Variants in PDGFD observed in about 807,000 individuals in gnomAD.
PDGFD encodes platelet-derived growth factor D.
Under a neutral mutation model 44.7 loss-of-function variants are expected in PDGFD, and 30 were observed. The ratio of observed to expected loss-of-function variants is 0.67; its 90% CI spans 0.50 to 0.91. PDGFD has a LOEUF of 0.91. PDGFD is among the 40% of genes least tolerant of loss of function. The pLI is 0.00. For synonymous variants in PDGFD, 173 were observed against 168.4 expected (o/e 1.03, Z -0.21); for missense variants, 445 against 457.8 (o/e 0.97, Z 0.25).
At chr11:104,054,045 C>A (rs982587238) in intron 1 of PDGFD, among the ~76,000 whole-genome samples, 38 of 152,182 alleles carry the variant, frequency 2.5e-4, no homozygotes, top group African/African-American at 8.9e-4. Context: ...AAGCCCACAG[C>A]GTCCACCATT....
chr11:104,137,728 CTTTTTTTT>C (rs5794295), intron 1 of PDGFD, among the ~76,000 whole-genome samples: 2 of 76,616 alleles, frequency 2.6e-5, no homozygotes, highest in Non-Finnish European at 4.9e-5. Flanking sequence ...TAGATCACCA[CTTTTTTTT>C]TTTTTTTTTT....
At chr11:104,116,030 A>G (rs1230385100) in intron 1 of PDGFD, among the ~76,000 whole-genome samples, 1 of 151,706 alleles carries the variant, frequency 6.6e-6, no homozygotes, top group African/African-American at 2.4e-5. Flanking sequence ...CATGCTCTTT[A>G]GTTTAATTAA....
At chr11:104,100,047 T>C (rs541115708) in intron 1 of PDGFD, among the ~76,000 whole-genome samples, 3 of 152,262 alleles carry the variant, frequency 2.0e-5, no homozygotes, top group South Asian at 4.1e-4. Context: ...TTTTTTTTAA[T>C]GCAAAAGTCG....
intron 3 of PDGFD, among the ~76,000 whole-genome samples, chr11:103,964,437 T>C (rs995715117): frequency 6.6e-5 from 10 of 152,180 alleles, no homozygotes; most frequent in African/African-American, 2.4e-4. Context: ...CATTTTCCAA[T>C]GAGGCTGCTT....
At chr11:103,958,253 G>A (rs1436984052) in intron 3 of PDGFD, among the ~76,000 whole-genome samples, 1 of 152,058 alleles carries the variant, frequency 6.6e-6, no homozygotes, top group Non-Finnish European at 1.5e-5. Flanking sequence ...CTGAAACCGT[G>A]GCTGAGTCTC....
chr11:104,130,791 ACC>A (rs1212554430), intron 1 of PDGFD, among the ~76,000 whole-genome samples: 1 of 152,060 alleles, frequency 6.6e-6, no homozygotes, highest in Non-Finnish European at 1.5e-5. Context: ...TACAGCTATT[ACC>A]TATCACTTCA....
chr11:103,994,327 T>C (rs1314279985), intron 3 of PDGFD, among the ~76,000 whole-genome samples: 2 of 152,166 alleles, frequency 1.3e-5, no homozygotes, highest in African/African-American at 2.4e-5. Flanking sequence ...CCATGAATAA[T>C]TGAGAACAGA....
chr11:104,119,760 A>G (rs1224624737), intron 1 of PDGFD, among the ~76,000 whole-genome samples: 2 of 109,838 alleles, frequency 1.8e-5, no homozygotes, highest in Non-Finnish European at 3.3e-5. Context: ...ATATTTATAT[A>G]TAATATATGA....
chr11:104,003,563 A>C (rs1859651606), intron 1 of PDGFD, among the ~76,000 whole-genome samples: 1 of 152,250 alleles, frequency 6.6e-6, no homozygotes, highest in South Asian at 2.1e-4. Context: ...AGTATTGGTT[A>C]GAGGTAGCAG....
intron 1 of PDGFD, among the ~76,000 whole-genome samples, chr11:104,113,782 T>G (rs965834992): frequency 3.3e-5 from 5 of 152,094 alleles, no homozygotes; most frequent in African/African-American, 1.2e-4. Context: ...CAGCATTTGG[T>G]GTTATCACTG....
chr11:104,038,685 A>G (rs1253863096), intron 1 of PDGFD: 2 of 167,092 alleles, frequency 1.2e-5, no homozygotes, highest in Non-Finnish European at 2.9e-5. Flanking sequence ...AGGATGCTAC[A>G]TTAATTTTCT....
intron 1 of PDGFD, among the ~76,000 whole-genome samples, chr11:104,054,844 G>T (rs1860596801): frequency 6.6e-6 from 1 of 152,166 alleles, no homozygotes; most frequent in African/African-American, 2.4e-5. Flanking sequence ...TGGTGCCAGG[G>T]TAATCAGCCT....
At chr11:104,069,134 A>G (rs1860836752) in intron 1 of PDGFD, among the ~76,000 whole-genome samples, 1 of 152,230 alleles carries the variant, frequency 6.6e-6, no homozygotes, top group Non-Finnish European at 1.5e-5. Flanking sequence ...ATTTCTCTTC[A>G]GGCTCTTTTA....
intron 1 of PDGFD, among the ~76,000 whole-genome samples, chr11:104,063,732 CA>C (rs1265755351): frequency 4.6e-5 from 7 of 152,086 alleles, no homozygotes; most frequent in African/African-American, 1.7e-4. Context: ...GGGGAGGTGC[CA>C]CACTTTTAAA....
intron 4 of PDGFD, among the ~76,000 whole-genome samples, chr11:103,946,943 G>A (rs1217739554): frequency 1.3e-5 from 2 of 152,148 alleles, no homozygotes; most frequent in Non-Finnish European, 2.9e-5. Flanking sequence ...TCAGCCACAC[G>A]GACCTACTCA....
At chr11:104,154,750 G>C (rs958600372) in intron 1 of PDGFD, among the ~76,000 whole-genome samples, 3 of 152,166 alleles carry the variant, frequency 2.0e-5, no homozygotes, top group African/African-American at 7.2e-5. Context: ...GCAAAAAAGA[G>C]GTACCAAGAG....
At chr11:104,119,684 T>C (rs1202933201) in intron 1 of PDGFD, among the ~76,000 whole-genome samples, 1 of 61,386 alleles carries the variant, frequency 1.6e-5, no homozygotes, top group Non-Finnish European at 2.9e-5. Context: ...TATATATCGA[T>C]ATATAATATA....
At position 103,914,883 on chromosome 11, in the gene PDGFD, G is replaced by A. The variant is rs556117366; in HGVS notation, c.988-5064C>T. Among the ~76,000 whole-genome samples the A allele has an allele frequency of 1.5e-3, 221 of 152,276 alleles. 1 individual carries two copies. The highest frequency in any genetic ancestry group is 5.2e-3 in the African/African-American group (216 of 41,558). ...CTCAATAGATGCAGAAAAGGCCTTTGTCAAAATTCAACAGCCCTTCATGCT... is the reference window on the plus strand; with the variant it reads ...CTCAATAGATGCAGAAAAGGCCTTTATCAAAATTCAACAGCCCTTCATGCT... On this transcript the variant is annotated intron_variant, in intron 6 of 6. Coordinates refer to ENST00000393158, the MANE Select transcript of PDGFD (RefSeq NM_025208.5).
intron 1 of PDGFD, among the ~76,000 whole-genome samples, chr11:104,102,014 T>C (rs917238659): frequency 5.3e-5 from 8 of 151,940 alleles, no homozygotes; most frequent in African/African-American, 1.9e-4. Flanking sequence ...GACATAGGCA[T>C]GGGCAAGGAC....
Sources: gnomAD v4.1 joint callset for allele counts (sites outside exome capture counted in the v4.1 genomes callset) on GRCh38, gnomAD v4.1.1 for gene constraint, MANE v1.5 for transcripts, NCBI Gene and HGNC (gene_info 2026-07-23, HGNC 2026-07-21) for gene names.